Variants in ETV7 observed in about 807,000 individuals in gnomAD.
ETV7 encodes ETS variant transcription factor 7.
ETV7 carries 43 observed loss-of-function variants against 39.1 expected under a neutral mutation model. The observed-to-expected ratio is 1.10, with a 90% confidence interval of 0.86 to 1.42. The LOEUF is 1.42. ETV7 is among the 40% of genes most tolerant of loss of function. The pLI is 0.00. For synonymous variants in ETV7, 196 were observed against 176.6 expected (o/e 1.11, Z -0.87); for missense variants, 432 against 442.3 (o/e 0.98, Z 0.21).
intron 7 of ETV7, among the ~76,000 whole-genome samples, chr6:36,358,760 G>A (rs540952287): frequency 7.9e-5 from 12 of 152,350 alleles, no homozygotes; most frequent in African/African-American, 2.6e-4. Flanking sequence ...ACCACAGGTC[G>A]AGAACCTGAG....
At chr6:36,368,084 A>T (rs1582180675) in intron 6 of ETV7, among the ~76,000 whole-genome samples, 1 of 152,182 alleles carries the variant, frequency 6.6e-6, no homozygotes. Flanking sequence ...ATAGTGCAGC[A>T]CATGGCCTGG....
Position 36,371,471 on chromosome 6 carries a change from C to T in ETV7, c.523G>A (p.Asp175Asn). Reference sequence around the variant, plus strand: ...GTCCACCTTGCCAGGCCAGGGTCATCCAGGTGGCCGAAGTTGCTGGTAAGC... The same window carrying T: ...GTCCACCTTGCCAGGCCAGGGTCATTCAGGTGGCCGAAGTTGCTGGTAAGC... ...PGLTSNFGHL[D>N]DPGLARWTPG... is the part of the protein sequence containing the mutation. Residue 175 changes from aspartate to asparagine, a missense_variant, in exon 5 of 8, where the codon GAT (aspartate) becomes AAT (asparagine). Physicochemically the swap from Asp to Asn is conservative, Grantham distance 23. Transcript: ENST00000340181. 1 of 1,603,668 alleles carries T rather than the reference C, an allele frequency of 6.2e-7. No homozygotes were observed. The highest frequency in any genetic ancestry group is 8.5e-7 in the Non-Finnish European group (1 of 1,174,930).
chr6:36,382,427 G>C (rs1773700436), intron 2 of ETV7, among the ~76,000 whole-genome samples: 1 of 152,118 alleles, frequency 6.6e-6, no homozygotes, highest in Non-Finnish European at 1.5e-5. Flanking sequence ...GAGTTTATTA[G>C]AAATCTGCAG....
intron 2 of ETV7, among the ~76,000 whole-genome samples, chr6:36,376,871 G>A (rs1773395508): frequency 6.6e-6 from 1 of 152,094 alleles, no homozygotes; most frequent in Admixed American, 6.6e-5. Flanking sequence ...CACGCATACA[G>A]GCAGCATGGG....
intron 3 of ETV7, among the ~76,000 whole-genome samples, chr6:36,374,518 TG>T (rs1773208235): frequency 6.6e-6 from 1 of 152,132 alleles, no homozygotes; most frequent in South Asian, 2.1e-4. Flanking sequence ...ATGTAGACAG[TG>T]GGCACTCGAG....
intron 2 of ETV7, among the ~76,000 whole-genome samples, chr6:36,383,925 C>T (rs1773771990): frequency 6.6e-6 from 1 of 152,226 alleles, no homozygotes; most frequent in Admixed American, 6.5e-5. Flanking sequence ...CCCCATCTGA[C>T]TCTGCCTTGG....
At chr6:36,378,781 C>T (rs1773501884) in intron 2 of ETV7, among the ~76,000 whole-genome samples, 1 of 152,176 alleles carries the variant, frequency 6.6e-6, no homozygotes, top group African/African-American at 2.4e-5. Flanking sequence ...TCAATGCCAG[C>T]CTAGTTCTAA....
chr6:36,356,415 TGAA>T (rs1217108517), intron 7 of ETV7, among the ~76,000 whole-genome samples: 1 of 151,884 alleles, frequency 6.6e-6, no homozygotes, highest in Admixed American at 6.6e-5. Context: ...TAAAAAGAAT[TGAA>T]GAAAGATCTG....
intron 7 of ETV7, among the ~76,000 whole-genome samples, chr6:36,357,861 G>A (rs990416511): frequency 6.6e-5 from 10 of 152,048 alleles, no homozygotes; most frequent in East Asian, 1.9e-4. Context: ...CCAGGTGACA[G>A]AGTGAGATTC....
At chr6:36,363,101 C>G (rs1034092668), downstream of ETV7, among the ~76,000 whole-genome samples, 1 of 152,132 alleles carries the variant, frequency 6.6e-6, no homozygotes, top group African/African-American at 2.4e-5. Context: ...CCCTCCTAAG[C>G]CAGGTATGCA....
intron 2 of ETV7, among the ~76,000 whole-genome samples, chr6:36,385,150 T>C (rs1008736070): frequency 3.3e-5 from 5 of 151,832 alleles, no homozygotes; most frequent in African/African-American, 7.3e-5. Context: ...CTGGGCAACA[T>C]AGAGCAACCC....
chr6:36,384,803 C>T (rs962001437), intron 2 of ETV7, among the ~76,000 whole-genome samples: 1 of 151,982 alleles, frequency 6.6e-6, no homozygotes, highest in Admixed American at 6.6e-5. Context: ...GCAGGAGAAT[C>T]GCTTGAACCA....
At chr6:36,354,572 G>C in exon 8 of ETV7, 1 of 677,836 alleles carries the variant, frequency 1.5e-6, no homozygotes, top group Non-Finnish European at 2.7e-6. Flanking sequence ...TTTGTAGCAA[G>C]TTTCAAAATC....
intron 2 of ETV7, among the ~76,000 whole-genome samples, chr6:36,377,730 A>G (rs2127397554): frequency 6.6e-6 from 1 of 152,332 alleles, no homozygotes; most frequent in African/African-American, 2.4e-5. Flanking sequence ...AATGAGTACC[A>G]GCTTGTGTCA....
downstream of ETV7, among the ~76,000 whole-genome samples, chr6:36,363,610 C>T (rs1772607412): frequency 6.6e-6 from 1 of 152,228 alleles, no homozygotes; most frequent in Non-Finnish European, 1.5e-5. Context: ...CAAAGGGGAC[C>T]AGAACGGGTT....
At chr6:36,373,167 G>A (rs12200906) in intron 4 of ETV7, among the ~76,000 whole-genome samples, 1 of 152,040 alleles carries the variant, frequency 6.6e-6, no homozygotes, top group Non-Finnish European at 1.5e-5. Flanking sequence ...GGTTTCTGGA[G>A]ACCTTGACAA....
At chr6:36,384,639 C>T (rs1773806860) in intron 2 of ETV7, among the ~76,000 whole-genome samples, 1 of 152,132 alleles carries the variant, frequency 6.6e-6, no homozygotes, top group African/African-American at 2.4e-5. Context: ...CCTGTCATCC[C>T]AGCATTTTGG....
intron 6 of ETV7, 151 bp downstream of exon 6, chr6:36,368,778 G>T: frequency 9.8e-7 from 1 of 1,017,490 alleles, no homozygotes; most frequent in South Asian, 1.5e-5. Context: ...TCCCTCAATA[G>T]CTCCCCAAAT....
chr6:36,356,955 T>A (rs1270102754), intron 7 of ETV7, among the ~76,000 whole-genome samples: 1 of 152,226 alleles, frequency 6.6e-6, no homozygotes, highest in African/African-American at 2.4e-5. Context: ...ATCAAAGTTC[T>A]ATGCCATAAC....
Sources: allele counts gnomAD v4.1 joint callset (sites outside exome capture counted in the v4.1 genomes callset), GRCh38; gene constraint gnomAD v4.1.1; transcripts MANE v1.5; gene names NCBI Gene and HGNC (gene_info 2026-07-23, HGNC 2026-07-21).